CDKL4: variants seen among roughly 807,000 people sequenced by gnomAD.
CDKL4 encodes the protein cyclin-dependent kinase-like 4.
In CDKL4, 44 loss-of-function variants were observed where a neutral mutation model predicts 42.0. The ratio of observed to expected loss-of-function variants is 1.05; its 90% CI spans 0.82 to 1.35. The LOEUF is 1.35. CDKL4 is among the 40% of genes most tolerant of loss of function. CDKL4 has a pLI of 0.00. For synonymous variants in CDKL4, 120 were observed against 121.6 expected, an observed-to-expected ratio of 0.99 and a Z score of 0.09; for missense variants, 393 against 369.9, an observed-to-expected ratio of 1.06 and a Z score of -0.51.
chr2:39,222,018 T>C (rs114309645), intron 3 of CDKL4, among the ~76,000 whole-genome samples: 148 of 152,268 alleles, frequency 9.7e-4, no homozygotes, highest in African/African-American at 3.3e-3. Flanking sequence ...TATAACTGTA[T>C]CCTCTGCACC....
intron 5 of CDKL4, among the ~76,000 whole-genome samples, chr2:39,201,786 A>T (rs929870768): frequency 6.6e-6 from 1 of 152,208 alleles, no homozygotes; most frequent in Non-Finnish European, 1.5e-5. Context: ...CTAAGCTATG[A>T]GGACACAAAG....
At chr2:39,199,048 A>G (rs568109235) in intron 5 of CDKL4, among the ~76,000 whole-genome samples, 4 of 152,124 alleles carry the variant, frequency 2.6e-5, no homozygotes, top group Non-Finnish European at 5.9e-5. Context: ...ATGAAACACA[A>G]ATCTGGTTCT....
chr2:39,180,845 C>A (rs1373227333), intron 8 of CDKL4, among the ~76,000 whole-genome samples: 1 of 152,144 alleles, frequency 6.6e-6, no homozygotes, highest in Admixed American at 6.5e-5. Flanking sequence ...CATGCACCAC[C>A]ATGCTGAGTA....
intron 7 of CDKL4, among the ~76,000 whole-genome samples, chr2:39,186,635 G>A (rs1675843449): frequency 6.6e-6 from 1 of 152,164 alleles, no homozygotes; most frequent in Non-Finnish European, 1.5e-5. Flanking sequence ...GGAGTTTAAT[G>A]AGTACAATGG....
At chr2:39,233,912 C>CTT (rs35337082) in intron 1 of CDKL4, among the ~76,000 whole-genome samples, 3 of 90,604 alleles carry the variant, frequency 3.3e-5, no homozygotes, top group Admixed American at 1.2e-4. Flanking sequence ...TTTATTTTTA[C>CTT]TTTTTTTTTT....
At chr2:39,229,258 G>T in intron 2 of CDKL4, 107 bp downstream of exon 2, 1 of 803,230 alleles carries the variant, frequency 1.2e-6, no homozygotes, top group Non-Finnish European at 1.9e-6. Context: ...TGATACAAAG[G>T]AATTTAAGTC....
At chr2:39,241,609 C>T (rs1414155623) in intron 1 of CDKL4, among the ~76,000 whole-genome samples, 2 of 152,144 alleles carry the variant, frequency 1.3e-5, no homozygotes, top group Non-Finnish European at 2.9e-5. Flanking sequence ...AGATTCTTCC[C>T]CAAACACTTT....
chr2:39,169,520 T>C, the CDKL4 span, among the ~76,000 whole-genome samples: 1 of 152,180 alleles, frequency 6.6e-6, no homozygotes, highest in Admixed American at 6.5e-5. Context: ...AAACACTCTC[T>C]AGAAAGCCTC....
chr2:39,207,605 A>C (rs1677283052), intron 4 of CDKL4, among the ~76,000 whole-genome samples: 1 of 152,224 alleles, frequency 6.6e-6, no homozygotes, highest in Non-Finnish European at 1.5e-5. Flanking sequence ...TTACATCAAT[A>C]TCTGTCCATT....
intron 3 of CDKL4, among the ~76,000 whole-genome samples, chr2:39,221,050 G>A (rs1286522485): frequency 8.4e-6 from 1 of 119,474 alleles, no homozygotes; most frequent in African/African-American, 3.4e-5. Flanking sequence ...TCTCGCTCTT[G>A]TCGCCCAGGC....
intron 5 of CDKL4, among the ~76,000 whole-genome samples, chr2:39,199,719 A>G (rs1296608457): frequency 6.6e-6 from 1 of 152,206 alleles, no homozygotes; most frequent in African/African-American, 2.4e-5. Context: ...CCACATAAAC[A>G]TAATTAAAAA....
At chr2:39,215,713 A>C (rs1677875561) in intron 3 of CDKL4, among the ~76,000 whole-genome samples, 1 of 152,238 alleles carries the variant, frequency 6.6e-6, no homozygotes, top group African/African-American at 2.4e-5. Flanking sequence ...ACTAGCTACA[A>C]GAGTCTGAAG....
intron 2 of CDKL4, among the ~76,000 whole-genome samples, chr2:39,228,407 T>C: frequency 6.6e-6 from 1 of 152,216 alleles, no homozygotes; most frequent in East Asian, 1.9e-4. Context: ...TGGGAAATAA[T>C]ATTTGAAAAT....
At chr2:39,174,031 C>T (rs1675072686), downstream of CDKL4, among the ~76,000 whole-genome samples, 1 of 151,478 alleles carries the variant, frequency 6.6e-6, no homozygotes, top group East Asian at 2.0e-4. Flanking sequence ...TTCCTGATAA[C>T]AAGATGAAAA....
chr2:39,245,096 G>T (rs1234601778), upstream of CDKL4, among the ~76,000 whole-genome samples: 1 of 152,202 alleles, frequency 6.6e-6, no homozygotes, highest in East Asian at 1.9e-4. Context: ...CCGGCTGCAC[G>T]AGCGAGCAGT....
chr2:39,174,768 TTA>T (rs1039371354), downstream of CDKL4, among the ~76,000 whole-genome samples: 5 of 152,198 alleles, frequency 3.3e-5, no homozygotes, highest in African/African-American at 9.6e-5. Context: ...TGCTATTATT[TTA>T]TATGAGTTCC....
chr2:39,222,718 G>A (rs1244972752), intron 3 of CDKL4, among the ~76,000 whole-genome samples: 1 of 152,134 alleles, frequency 6.6e-6, no homozygotes, highest in East Asian at 1.9e-4. Context: ...GATACAAGTA[G>A]GGAAGAGAAA....
At chr2:39,196,086 CCCACCCACTGCCTGAT>C (rs1382424232) in intron 5 of CDKL4, among the ~76,000 whole-genome samples, 1 of 152,158 alleles carries the variant, frequency 6.6e-6, no homozygotes, top group Non-Finnish European at 1.5e-5. Context: ...GCTCTATGGC[CCCACCCACTGCCTGAT>C]CCACCCTATG....
At chr2:39,240,353 G>C (rs1679599585) in intron 1 of CDKL4, among the ~76,000 whole-genome samples, 1 of 151,270 alleles carries the variant, frequency 6.6e-6, no homozygotes, top group African/African-American at 2.4e-5. Flanking sequence ...CCAGGAGGCA[G>C]AGGTTGCAGT....
Sources: gnomAD v4.1 joint callset for allele counts (sites outside exome capture counted in the v4.1 genomes callset) on GRCh38, gnomAD v4.1.1 for gene constraint, MANE v1.5 for transcripts, NCBI Gene and HGNC (gene_info 2026-07-23, HGNC 2026-07-21) for gene names.